Variants in CCDC141 observed in about 807,000 individuals in gnomAD.
CCDC141 encodes the protein coiled-coil domain-containing protein 141.
In CCDC141, 168 loss-of-function variants were observed where a neutral mutation model predicts 181.0. The ratio of observed to expected loss-of-function variants is 0.93; its 90% CI spans 0.82 to 1.05. The LOEUF is 1.05. Among genes scored for constraint, CCDC141 ranks in the 50% least tolerant of loss-of-function variants. The pLI, the probability that CCDC141 is intolerant of heterozygous loss-of-function variation, is 0.00. For missense variants in CCDC141, 1,902 were observed against 1,788.5 expected (o/e 1.06, Z -1.14); for synonymous variants, 666 against 642.3 (o/e 1.04, Z -0.56).
chr2:178,929,916 T>A (rs1411464430), intron 6 of CCDC141, among the ~76,000 whole-genome samples: 1 of 152,092 alleles, frequency 6.6e-6, no homozygotes, highest in Admixed American at 6.6e-5. Flanking sequence ...GGGTAATTCA[T>A]GAGTACACTG....
chr2:178,919,856 G>T (rs567540516), intron 6 of CCDC141, among the ~76,000 whole-genome samples: 1 of 152,302 alleles, frequency 6.6e-6, no homozygotes, highest in Non-Finnish European at 1.5e-5. Context: ...AGCTGTTATT[G>T]TTCGGTATTT....
chr2:178,981,632 G>GTATATATATATATA (rs1691397964), intron 2 of CCDC141, among the ~76,000 whole-genome samples: 1 of 20,352 alleles, frequency 4.9e-5, no homozygotes, highest in African/African-American at 1.8e-4. Context: ...GAATGTGTGT[G>GTATATATATATATA]TGTGTATATA....
chr2:179,015,106 T>TATATA (rs2042418173), intron 2 of CCDC141, among the ~76,000 whole-genome samples: 3 of 23,992 alleles, frequency 1.3e-4, no homozygotes, highest in African/African-American at 2.4e-4. Context: ...ATATATATAA[T>TATATA]ATATATATAA....
chr2:178,946,792 A>G (rs192366999), intron 5 of CCDC141, among the ~76,000 whole-genome samples: 3 of 152,346 alleles, frequency 2.0e-5, no homozygotes, highest in Admixed American at 2.0e-4. Context: ...CAACTCCCAA[A>G]AGATACTATT....
At chr2:178,855,311 C>A in intron 19 of CCDC141, 36 bp downstream of exon 19, 1 of 1,549,240 alleles carries the variant, frequency 6.5e-7, no homozygotes, top group Non-Finnish European at 8.7e-7. Context: ...TTGAAAACAA[C>A]ATTACAACAT....
At chr2:179,032,290 C>G (rs2043021445) in intron 2 of CCDC141, among the ~76,000 whole-genome samples, 1 of 152,290 alleles carries the variant, frequency 6.6e-6, no homozygotes, top group East Asian at 1.9e-4. Flanking sequence ...GGCCAGTTTT[C>G]CCCTCTCTTG....
chr2:178,977,730 T>G (rs1221336540), intron 3 of CCDC141, among the ~76,000 whole-genome samples: 2 of 152,218 alleles, frequency 1.3e-5, no homozygotes, highest in Non-Finnish European at 2.9e-5. Context: ...TTTATCATAA[T>G]GAAGCAGTGC....
downstream of CCDC141, among the ~76,000 whole-genome samples, chr2:178,829,376 G>A (rs903534250): frequency 1.1e-4 from 16 of 152,174 alleles, no homozygotes; most frequent in Admixed American, 8.5e-4. Flanking sequence ...CAGGCCAAAT[G>A]CTCAAACTCT....
intron 2 of CCDC141, among the ~76,000 whole-genome samples, chr2:178,994,111 G>C (rs748324764): frequency 3.9e-5 from 6 of 152,130 alleles, no homozygotes; most frequent in Non-Finnish European, 7.4e-5. Context: ...GGAGTCTCGA[G>C]GACAGTGGGC....
chr2:178,982,608 G>A (rs929192079), intron 2 of CCDC141, among the ~76,000 whole-genome samples: 2 of 151,610 alleles, frequency 1.3e-5, no homozygotes, highest in African/African-American at 2.4e-5. Flanking sequence ...GTGGGTGCAC[G>A]CACCATGTGC....
At chr2:179,033,553 C>G (rs745813181) in intron 2 of CCDC141, among the ~76,000 whole-genome samples, 3 of 152,102 alleles carry the variant, frequency 2.0e-5, no homozygotes, top group Non-Finnish European at 2.9e-5. Context: ...TTTAATCTTA[C>G]TCAGACATAT....
intron 2 of CCDC141, among the ~76,000 whole-genome samples, chr2:179,037,794 A>G (rs2592561): frequency 0.65 from 98,847 of 152,076 alleles, 33,311 homozygotes; most frequent in East Asian, 0.77. Flanking sequence ...AAACCACAAT[A>G]ACATATCACT....
intron 12 of CCDC141, chr2:178,877,110 A>G (rs1381922356): frequency 6.6e-6 from 1 of 152,182 alleles, no homozygotes; most frequent in East Asian, 1.9e-4. Flanking sequence ...TTGACAAACC[A>G]TAGAAAATCC....
rs546558076 is a variant in CCDC141 at position 178,985,074 on chromosome 2, C to T, written c.226-6399G>A. On this transcript the variant is annotated intron_variant, in intron 2 of 23. Transcript: ENST00000443758. The stretch of plus-strand genomic sequence containing the variant: ...TGACCACATACTTGGAAGTAAAGCT[C>T]TCCTCGGCAAATGTAAAAGAACAGA... Among the ~76,000 whole-genome samples, 276 of 151,662 alleles carry T rather than the reference C, an allele frequency of 1.8e-3. 2 individuals carry two copies. The highest frequency in any genetic ancestry group is 3.4e-3 in the Middle Eastern group (1 of 292).
At chr2:179,025,256 C>A (rs1214430188) in intron 2 of CCDC141, among the ~76,000 whole-genome samples, 1 of 152,022 alleles carries the variant, frequency 6.6e-6, no homozygotes, top group African/African-American at 2.4e-5. Flanking sequence ...TTGATCTTCA[C>A]CCTCAGATAT....
rs1385922187 is a variant in CCDC141 at position 178,984,835 on chromosome 2, G to A, written c.226-6160C>T. 1.6e-4 allele frequency among the ~76,000 whole-genome samples: 25 copies of A among 152,142 alleles called. No individual in the cohort carries two copies. The East Asian group carries it at 2.9e-3, about 18-fold the overall frequency. ...ATAAAGCAAGTTCTGAGTGACCTAC[G>A]AAGAGACTTAGACTCCCACACATTA... On this transcript the variant is annotated intron_variant, in intron 2 of 23. Transcript: ENST00000443758.
chr2:178,949,466 G>A (rs1559001025), intron 5 of CCDC141, among the ~76,000 whole-genome samples: 1 of 152,198 alleles, frequency 6.6e-6, no homozygotes, highest in South Asian at 2.1e-4. Flanking sequence ...AGAAATGCCA[G>A]TGTCAGAATT....
chr2:179,047,414 T>C lies in CCDC141; in HGVS notation c.103-8A>G. 1 of 1,496,690 alleles carries C rather than the reference T, an allele frequency of 6.7e-7. No individual in the cohort carries two copies. The allele number at this position is 1,496,690 out of a possible 1,614,324, so 92.7% of individuals were successfully genotyped here. ...TTGTACCCATTTGCCACACTAAAAA[T>C]AAAAATTAAATAAAATGCACTTTTA... On this transcript the variant is annotated splice_region_variant and splice_polypyrimidine_tract_variant and intron_variant, in intron 1 of 23. Transcript: ENST00000443758.
intron 14 of CCDC141, among the ~76,000 whole-genome samples, chr2:178,870,278 T>C (rs1166562018): frequency 1.4e-5 from 2 of 139,258 alleles, no homozygotes; most frequent in Non-Finnish European, 3.1e-5. Context: ...AGATAGAGAA[T>C]GCTACTATAA....
Sources: allele counts gnomAD v4.1 joint callset (sites outside exome capture counted in the v4.1 genomes callset), GRCh38; gene constraint gnomAD v4.1.1; transcripts MANE v1.5; gene names NCBI Gene and HGNC (gene_info 2026-07-23, HGNC 2026-07-21).